STAG1: variants seen among roughly 807,000 people sequenced by gnomAD.
The protein encoded by STAG1 is STAG1 cohesin complex component.
In STAG1, 26 loss-of-function variants were observed where a neutral mutation model predicts 170.9. That is an observed-to-expected ratio of 0.15 (90% CI 0.11 to 0.21). STAG1 has a LOEUF of 0.21. Among genes scored for constraint, STAG1 ranks in the 10% least tolerant of loss-of-function variants. STAG1 has a pLI of 1.00. For synonymous variants in STAG1, 514 were observed against 497.7 expected (o/e 1.03, Z -0.44); for missense variants, 964 against 1,509.5 (o/e 0.64, Z 5.99).
intron 1 of STAG1, chr3:136,736,540 G>A (rs1559981246): frequency 9.4e-6 from 14 of 1,492,244 alleles, no homozygotes; most frequent in South Asian, 1.1e-5. Context: ...AGGAAGGTCC[G>A]ATTTATCTTC....
chr3:136,742,353 A>G (rs1934710824), intron 1 of STAG1, among the ~76,000 whole-genome samples: 2 of 152,204 alleles, frequency 1.3e-5, no homozygotes, highest in Non-Finnish European at 1.5e-5. Context: ...TCATAAAGAT[A>G]TGACTCAAAA....
chr3:136,543,490 T>C (rs904277107), intron 5 of STAG1, among the ~76,000 whole-genome samples: 1 of 152,124 alleles, frequency 6.6e-6, no homozygotes. Flanking sequence ...AATATCTATA[T>C]AGACAACAAT....
At chr3:136,475,390 G>A (rs896283239) in intron 10 of STAG1, among the ~76,000 whole-genome samples, 2 of 151,952 alleles carry the variant, frequency 1.3e-5, no homozygotes, top group African/African-American at 4.8e-5. Context: ...CAGGTGATCC[G>A]CCTGTCTCTG....
At chr3:136,339,999 G>T (rs555372046) in intron 32 of STAG1, among the ~76,000 whole-genome samples, 1 of 152,248 alleles carries the variant, frequency 6.6e-6, no homozygotes, top group Admixed American at 6.5e-5. Context: ...TAAAAAGAAA[G>T]AACCAGTTTC....
At chr3:136,345,462 T>G (rs948321301) in intron 29 of STAG1, among the ~76,000 whole-genome samples, 4 of 149,256 alleles carry the variant, frequency 2.7e-5, no homozygotes, top group African/African-American at 5.0e-5. Flanking sequence ...GTTGTTTTTT[T>G]TTTTTTTTTT....
intron 1 of STAG1, among the ~76,000 whole-genome samples, chr3:136,746,993 G>A (rs1934965817): frequency 1.3e-5 from 2 of 151,060 alleles, no homozygotes; most frequent in African/African-American, 4.9e-5. Flanking sequence ...CTACTCAGGA[G>A]GCTGAGGCAG....
intron 4 of STAG1, among the ~76,000 whole-genome samples, chr3:136,592,787 C>A (rs765170660): frequency 3.9e-5 from 6 of 152,166 alleles, no homozygotes; most frequent in Non-Finnish European, 7.3e-5. Context: ...TCTGGGGCTG[C>A]CACAGGCCTA....
chr3:136,343,926 T>C lies in STAG1; in HGVS notation c.3352A>G (p.Thr1118Ala), dbSNP rs750747512. 11 of 1,612,042 alleles carry C rather than the reference T, an allele frequency of 6.8e-6. No individual in the cohort carries two copies. The highest frequency in any genetic ancestry group is 2.2e-5 in the East Asian group (1 of 44,644). ...TPGPLPAPQLTSTVLRENSRP... is the reference protein window; with the variant it reads ...TPGPLPAPQLASTVLRENSRP... ...CTGTTCTCCCGCAGTACAGTGGATG[T>C]GAGTTGTGGTGCTGGCAGGGGGCCA... Residue 1118 changes from threonine to alanine, a missense_variant, in exon 30 of 34, where the codon ACA (threonine) becomes GCA (alanine). Around this residue, in one of 11 missense-constraint regions of STAG1, gnomAD observed 122 missense variants for 129.0 expected, o/e 0.95. Coordinates refer to ENST00000383202, the MANE Select transcript of STAG1 (RefSeq NM_005862.3).
At chr3:136,541,538 T>TCACACACACACACACACTCTCACACA (rs34969907) in intron 6 of STAG1, among the ~76,000 whole-genome samples, 4 of 123,122 alleles carry the variant, frequency 3.2e-5, no homozygotes, top group Non-Finnish European at 3.5e-5. Context: ...AGCTTAACAT[T>TCACACACACACACACACTCTCACACA]CACACACACA....
At chr3:136,673,951 C>T (rs926807365) in intron 1 of STAG1, among the ~76,000 whole-genome samples, 2 of 151,240 alleles carry the variant, frequency 1.3e-5, no homozygotes, top group Admixed American at 1.3e-4. Context: ...AAAAATACAA[C>T]AATTGGCCAG....
At chr3:136,749,096 T>C (rs1935097172) in intron 1 of STAG1, among the ~76,000 whole-genome samples, 1 of 152,158 alleles carries the variant, frequency 6.6e-6, no homozygotes, top group Non-Finnish European at 1.5e-5. Flanking sequence ...TGCCCTCCCC[T>C]TGAGTGTGGG....
At chr3:136,365,746 G>A (rs565075228) in intron 25 of STAG1, among the ~76,000 whole-genome samples, 1 of 152,208 alleles carries the variant, frequency 6.6e-6, no homozygotes, top group South Asian at 2.1e-4. Flanking sequence ...CTGGAAGCAA[G>A]CAGAAGTTTG....
intron 1 of STAG1, among the ~76,000 whole-genome samples, chr3:136,660,570 G>A (rs771077854): frequency 2.0e-5 from 3 of 152,196 alleles, no homozygotes; most frequent in Non-Finnish European, 4.4e-5. Flanking sequence ...AGGAAAATAC[G>A]TTGGGTAACA....
intron 9 of STAG1, among the ~76,000 whole-genome samples, chr3:136,498,257 C>CATAT (rs1472369855): frequency 4.8e-5 from 4 of 83,666 alleles, no homozygotes; most frequent in African/African-American, 2.5e-4. Context: ...CATACACACA[C>CATAT]ACACACACAC....
At chr3:136,733,108 A>G (rs1346760937) in intron 1 of STAG1, among the ~76,000 whole-genome samples, 8 of 134,624 alleles carry the variant, frequency 5.9e-5, no homozygotes, top group Non-Finnish European at 1.1e-4. Flanking sequence ...TTTTTTTGAG[A>G]CAGTCTCACT....
At chr3:136,431,691 A>G (rs746592287) in intron 16 of STAG1, among the ~76,000 whole-genome samples, 12 of 152,128 alleles carry the variant, frequency 7.9e-5, no homozygotes, top group Non-Finnish European at 1.3e-4. Flanking sequence ...ATCTTATTAA[A>G]TTTGTAATTC....
intron 1 of STAG1, among the ~76,000 whole-genome samples, chr3:136,727,176 C>G (rs923247859): frequency 6.6e-6 from 1 of 151,876 alleles, no homozygotes; most frequent in Non-Finnish European, 1.5e-5. Context: ...GAATAAATAC[C>G]ATCTGCCTTC....
chr3:136,623,174 C>G lies in STAG1; in HGVS notation c.104G>C (p.Arg35Thr). ...ELEETEVKGK[R>T]KRGRPGRPPS... Reference sequence around the variant, plus strand: ...AGGCCGGCCAGGACGACCCCTTTTTCTTTTTCCTTTGACCTCTGTTTCTTC... The same window carrying G: ...AGGCCGGCCAGGACGACCCCTTTTTGTTTTTCCTTTGACCTCTGTTTCTTC... The change falls in exon 3 of 34, where the codon AGA becomes ACA. Residue 35 changes from arginine to threonine, a missense_variant. Coordinates refer to ENST00000383202, the MANE Select transcript of STAG1 (RefSeq NM_005862.3). 6.2e-7 allele frequency: 1 copy of G among 1,613,392 alleles called. No individual in the cohort carries two copies. The highest frequency in any genetic ancestry group is 1.1e-5 in the South Asian group (1 of 91,038).
At chr3:136,661,961 C>T (rs1229264833) in intron 1 of STAG1, among the ~76,000 whole-genome samples, 1 of 152,156 alleles carries the variant, frequency 6.6e-6, no homozygotes, top group African/African-American at 2.4e-5. Context: ...GACTCTGTAT[C>T]CCACACCCTT....
Sources: gnomAD v4.1 joint callset for allele counts (sites outside exome capture counted in the v4.1 genomes callset) on GRCh38, gnomAD v4.1.1 for gene constraint, gnomAD v4.1.1 regional missense constraint, MANE v1.5 for transcripts, NCBI Gene and HGNC (gene_info 2026-07-23, HGNC 2026-07-21) for gene names.